Variants in ESYT2 observed in about 807,000 individuals in gnomAD.
The protein encoded by ESYT2 is extended synaptotagmin-2.
Under a neutral mutation model 107.2 loss-of-function variants are expected in ESYT2, and 54 were observed. The observed-to-expected ratio is 0.50, with a 90% CI of 0.40 to 0.63. ESYT2 has a LOEUF of 0.63. ESYT2 is among the 30% of genes least tolerant of loss of function. ESYT2 has a pLI of 0.00. For missense variants in ESYT2, 1,020 were observed against 1,094.5 expected (o/e 0.93, Z 0.96); for synonymous variants, 491 against 434.1 (o/e 1.13, Z -1.63).
rs1840565281 is a variant in ESYT2, at chr7:158,829,402, C to A, written c.17G>T (p.Gly6Val). 1.7e-6 allele frequency: 2 copies of A among 1,203,604 alleles called. No individual in the cohort carries two copies. Among genetic ancestry groups the A allele is most frequent in the Non-Finnish European group, 2.1e-6 (2 of 975,504 alleles). 74.6% of individuals were successfully genotyped at this position (1,203,604 alleles called of 1,614,324 possible). A position where few individuals can be genotyped will look rare whatever the true frequency, so the allele number is the denominator to read the frequency against. ...GCCGGCGCCCGCCTCCGGGCCCTCG[C>A]CCCGGGCGCCGCTCATCGCCCCGCA... is the stretch of plus-strand genomic sequence containing the variant. The part of the protein sequence containing the change: MSGAR[G>V]EGPEAGAGGA... Residue 6 changes from glycine to valine, a missense_variant, in exon 1 of 23, where the codon GGC becomes GTC. Physicochemically the swap from Gly to Val is moderately radical, Grantham distance 109 (BLOSUM62 -3). Transcript: ENST00000275418.
At chr7:158,797,806 A>G (rs1165660546) in intron 3 of ESYT2, 136 bp downstream of exon 3, 1 of 1,171,016 alleles carries the variant, frequency 8.5e-7, no homozygotes, top group Admixed American at 2.7e-5. Context: ...GTGAGCCAAG[A>G]TAGTGCCACT....
intron 6 of ESYT2, among the ~76,000 whole-genome samples, chr7:158,784,064 A>C (rs1839022833): frequency 6.6e-6 from 1 of 151,366 alleles, no homozygotes; most frequent in Admixed American, 6.9e-5. Flanking sequence ...CACAGGGAGG[A>C]GGAGGAGGGT....
chr7:158,748,067 T>G (rs1837463674), intron 16 of ESYT2, 127 bp downstream of exon 16: 1 of 796,330 alleles, frequency 1.3e-6, no homozygotes, highest in African/African-American at 1.7e-5. Flanking sequence ...TACAGAGAGA[T>G]CTACCAATTG....
At chr7:158,785,067 C>T (rs918079517) in intron 6 of ESYT2, among the ~76,000 whole-genome samples, 45 of 152,194 alleles carry the variant, frequency 3.0e-4, no homozygotes, top group African/African-American at 9.4e-4. Context: ...CAGCCAAAGG[C>T]AAACACCAAT....
At chr7:158,766,336 AG>A (rs1347071718) in intron 8 of ESYT2, among the ~76,000 whole-genome samples, 1 of 152,196 alleles carries the variant, frequency 6.6e-6, no homozygotes, top group Non-Finnish European at 1.5e-5. Flanking sequence ...CCGGCTGTTA[AG>A]CCCATGCAGC....
At chr7:158,782,537 A>AAATAAG (rs1554587000) in intron 6 of ESYT2, among the ~76,000 whole-genome samples, 1 of 143,172 alleles carries the variant, frequency 7.0e-6, no homozygotes, top group African/African-American at 2.6e-5. Context: ...GAGTGTAAGA[A>AAATAAG]AATGAGTGTG....
At chr7:158,759,709 G>A in intron 12 of ESYT2, 128 bp from the exon 13 acceptor site, 3 of 674,044 alleles carry the variant, frequency 4.5e-6, no homozygotes, top group Non-Finnish European at 7.4e-6. Flanking sequence ...CCATGCAACA[G>A]AGACAGAACT....
chr7:158,829,035 G>A (rs949850672), intron 1 of ESYT2, 54 bp downstream of exon 1: 7 of 1,556,778 alleles, frequency 4.5e-6, no homozygotes, highest in Non-Finnish European at 6.0e-6. Context: ...GCCTGGACGA[G>A]GGGAGATCGG....
At chr7:158,817,173 C>T (rs1398542787) in intron 1 of ESYT2, among the ~76,000 whole-genome samples, 1 of 152,160 alleles carries the variant, frequency 6.6e-6, no homozygotes, top group African/African-American at 2.4e-5. Context: ...CTTCAGGCCA[C>T]GATGAGGGGG....
At chr7:158,768,677 C>T (rs536629172) in intron 7 of ESYT2, among the ~76,000 whole-genome samples, 1 of 152,172 alleles carries the variant, frequency 6.6e-6, no homozygotes, top group African/African-American at 2.4e-5. Context: ...CTTGGCCTCC[C>T]GAAGTGCTGG....
chr7:158,753,115 C>T (rs1046944763), intron 13 of ESYT2, among the ~76,000 whole-genome samples: 3 of 152,210 alleles, frequency 2.0e-5, no homozygotes, highest in Non-Finnish European at 4.4e-5. Context: ...CCTCTTGATC[C>T]CTTGTGATTT....
intron 20 of ESYT2, among the ~76,000 whole-genome samples, chr7:158,736,648 A>G (rs6942868): frequency 0.24 from 35,938 of 151,984 alleles, 5,089 homozygotes; most frequent in East Asian, 0.59. Context: ...TTTTTCCAAT[A>G]TGTCATACGG....
chr7:158,820,387 C>T (rs1840257134), intron 1 of ESYT2, among the ~76,000 whole-genome samples: 1 of 152,042 alleles, frequency 6.6e-6, no homozygotes, highest in Non-Finnish European at 1.5e-5. Context: ...AATGGTAAGC[C>T]CGTGACATAA....
intron 10 of ESYT2, among the ~76,000 whole-genome samples, chr7:158,762,881 A>G (rs542367490): frequency 1.3e-5 from 2 of 152,370 alleles, no homozygotes; most frequent in East Asian, 3.9e-4. Flanking sequence ...GCACAGATCT[A>G]GAAGACTCAC....
chr7:158,782,626 T>A (rs747098516), intron 6 of ESYT2, among the ~76,000 whole-genome samples: 1 of 135,408 alleles, frequency 7.4e-6, no homozygotes, highest in Non-Finnish European at 1.6e-5. Flanking sequence ...TGAGAACATG[T>A]GAAGTGGGTA....
intron 14 of ESYT2, among the ~76,000 whole-genome samples, chr7:158,752,447 C>G (rs985343155): frequency 6.6e-6 from 1 of 152,176 alleles, no homozygotes; most frequent in Non-Finnish European, 1.5e-5. Flanking sequence ...ATTTAAACAT[C>G]AGTTAAGATT....
At chr7:158,784,748 C>T (rs1839048785) in intron 6 of ESYT2, among the ~76,000 whole-genome samples, 1 of 152,200 alleles carries the variant, frequency 6.6e-6, no homozygotes, top group South Asian at 2.1e-4. Flanking sequence ...TTTCTGGAGT[C>T]CTTGGCTAAT....
chr7:158,805,143 T>C (rs1584873007), intron 1 of ESYT2, among the ~76,000 whole-genome samples: 2 of 152,196 alleles, frequency 1.3e-5, no homozygotes, highest in Non-Finnish European at 1.5e-5. Flanking sequence ...AACTTAGCAG[T>C]AGAGTGACTT....
At chr7:158,786,185 TG>T (rs1467253173) in intron 6 of ESYT2, among the ~76,000 whole-genome samples, 1 of 152,236 alleles carries the variant, frequency 6.6e-6, no homozygotes, top group Non-Finnish European at 1.5e-5. Flanking sequence ...AAGTCATCAA[TG>T]GAAGATCCAA....
Sources: allele counts gnomAD v4.1 joint callset (sites outside exome capture counted in the v4.1 genomes callset), GRCh38; gene constraint gnomAD v4.1.1; transcripts MANE v1.5; gene names NCBI Gene and HGNC (gene_info 2026-07-23, HGNC 2026-07-21).